Variants in IDH3A observed in about 807,000 individuals in gnomAD.
IDH3A encodes the protein isocitrate dehydrogenase (NAD(+)) 3 catalytic subunit alpha, also known as isocitrate dehydrogenase [NAD] subunit alpha, mitochondrial.
In IDH3A, 23 loss-of-function variants were observed where a neutral mutation model predicts 43.3. The observed-to-expected ratio is 0.53, with a 90% CI of 0.38 to 0.75. The LOEUF (loss-of-function observed/expected upper bound fraction) is 0.75, where lower values mean the gene tolerates loss of function less well. Among genes scored for constraint, IDH3A ranks in the 30% least tolerant of loss-of-function variants. IDH3A has a pLI of 0.00. For missense variants in IDH3A, 329 were observed against 474.4 expected, an observed-to-expected ratio of 0.69 and a Z score of 2.85; for synonymous variants, 154 against 163.5, an observed-to-expected ratio of 0.94 and a Z score of 0.44.
At chr15:78,156,891 ATTC>A (rs1231265093) in intron 2 of IDH3A, 1 of 1,350,724 alleles carries the variant, frequency 7.4e-7, no homozygotes, top group Non-Finnish European at 9.8e-7. Context: ...GACATATACT[ATTC>A]TTTTTGGTTG....
At chr15:78,160,252 G>A in intron 4 of IDH3A, 46 bp downstream of exon 4, 1 of 1,141,450 alleles carries the variant, frequency 8.8e-7, no homozygotes, top group Non-Finnish European at 1.3e-6. Flanking sequence ...TTCCGCTACA[G>A]GGGTTACTTA....
At chr15:78,165,793 A>G (rs751708574) in intron 9 of IDH3A, among the ~76,000 whole-genome samples, 41 of 152,102 alleles carry the variant, frequency 2.7e-4, no homozygotes, top group Non-Finnish European at 5.3e-4. Flanking sequence ...GGCTTAAGCA[A>G]TCCTCCTGCC....
intron 1 of IDH3A, 29 bp downstream of exon 1, chr15:78,149,459 G>T: frequency 6.6e-7 from 1 of 1,523,808 alleles, no homozygotes; most frequent in Non-Finnish European, 8.8e-7. Flanking sequence ...GCGTGTGGCA[G>T]GCAGGCAGGC....
chr15:78,166,972 A>G (rs1401274115), intron 10 of IDH3A, among the ~76,000 whole-genome samples: 3 of 152,172 alleles, frequency 2.0e-5, no homozygotes, highest in Non-Finnish European at 2.9e-5. Flanking sequence ...ACTCTTCACA[A>G]CAAACGTCTG....
At position 78,162,898 on chromosome 15, in the gene IDH3A, G is replaced by A. The variant is rs149806790; in HGVS notation, c.611+531G>A. 6.3e-3 allele frequency among the ~76,000 whole-genome samples: 959 copies of A among 152,316 alleles called. 1 individual carries two copies. Among genetic ancestry groups the A allele is most frequent in the Middle Eastern group, 0.014 (4 of 294 alleles). On this transcript the variant is annotated intron_variant, in intron 6 of 10. Coordinates refer to ENST00000299518, the MANE Select transcript of IDH3A (RefSeq NM_005530.3). ...TGGGCGAATGACAGGAGCAAATGAG[G>A]AGGGGATGGTGATTCAGGTCCTGGA...
chr15:78,161,099 C>G lies in IDH3A; in HGVS notation c.290-482C>G, dbSNP rs2074677509. Reference sequence around the variant, plus strand: ...GTTTCCCCATGTTGGCCAGGCTGGTCTTGGACTCCTGACCTCAAGCGATCC... The same window carrying G: ...GTTTCCCCATGTTGGCCAGGCTGGTGTTGGACTCCTGACCTCAAGCGATCC... On this transcript the variant is annotated intron_variant, in intron 4 of 10. Coordinates refer to ENST00000299518, the MANE Select transcript of IDH3A (RefSeq NM_005530.3). The surrounding 1 kb of genome is among the most constrained non-coding windows in gnomAD (Gnocchi z 4.8). Among the ~76,000 whole-genome samples, 1 of 152,118 alleles carries G rather than the reference C, an allele frequency of 6.6e-6. No individual in the cohort carries two copies.
rs1043015721 is a variant in IDH3A, at chr15:78,156,209, T to C, written c.90+934T>C. On this transcript the variant is annotated intron_variant, in intron 2 of 10. Coordinates refer to ENST00000299518, the MANE Select transcript of IDH3A (RefSeq NM_005530.3). ...AAACGCATTCTGAAAGCTAATAAGA[T>C]GATCATTGCTCTCTGCTATTATTTA... 3.4e-4 allele frequency among the ~76,000 whole-genome samples: 51 copies of C among 152,228 alleles called. 1 individual carries two copies. The highest frequency in any genetic ancestry group is 2.4e-3 in the Admixed American group (36 of 15,276).
chr15:78,168,014 A>AAAG (rs1489858881), intron 10 of IDH3A: 1 of 152,184 alleles, frequency 6.6e-6, no homozygotes, highest in African/African-American at 2.4e-5. Flanking sequence ...TTTATTGTGT[A>AAAG]GGATGGAAAG....
chr15:78,164,548 C>T (rs572960844), intron 8 of IDH3A, among the ~76,000 whole-genome samples: 3 of 152,094 alleles, frequency 2.0e-5, no homozygotes, highest in Non-Finnish European at 2.9e-5. Flanking sequence ...GACGGGGTTT[C>T]GCCATGTTGG....
At chr15:78,164,873 T>G in intron 8 of IDH3A, 119 bp from the exon 9 acceptor site, 2 of 744,926 alleles carry the variant, frequency 2.7e-6, no homozygotes, top group Middle Eastern at 2.8e-4. Flanking sequence ...GAATCAGCCA[T>G]TTATCCAAGG....
At chr15:78,168,764 G>A (rs1041219278) in intron 10 of IDH3A, 158 bp from the exon 11 acceptor site, 2 of 612,264 alleles carry the variant, frequency 3.3e-6, no homozygotes, top group African/African-American at 3.6e-5. Flanking sequence ...GGGCTGGGTA[G>A]ATGGTGGTGG....
chr15:78,162,180 C>A, intron 5 of IDH3A, 54 bp from the exon 6 acceptor site: 1 of 1,606,270 alleles, frequency 6.2e-7, no homozygotes, highest in Non-Finnish European at 8.5e-7. Flanking sequence ...CCTCTGTCTC[C>A]CACTGCGTTG....
intron 10 of IDH3A, chr15:78,166,516 A>G: frequency 1.8e-6 from 1 of 570,046 alleles, no homozygotes; most frequent in South Asian, 1.9e-5. Context: ...TCATCCAAAA[A>G]AAGTTAAGCA....
chr15:78,165,072 A>T lies in IDH3A; in HGVS notation c.860A>T (p.Glu287Val). 3 of 1,609,842 alleles carry T rather than the reference A, an allele frequency of 1.9e-6. No individual in the cohort carries two copies. The highest frequency in any genetic ancestry group is 2.6e-6 in the Non-Finnish European group (3 of 1,176,076). ...NIGANGVAIF[E>V]SVHGTAPDIA... The stretch of plus-strand genomic sequence containing the variant: ...GGAGCCAATGGGGTTGCAATTTTTG[A>T]GTCGGTAAGGACCCTGACACCTGAA... Residue 287 changes from glutamate to valine, a missense_variant, in exon 9 of 11, where the codon GAG (glutamate) becomes GTG (valine). By Grantham distance (121) the Glu-to-Val change is moderately radical. Transcript: ENST00000299518.
chr15:78,171,754 G>T lies in IDH3A; in HGVS notation c.*2749G>T. On this transcript the variant is annotated 3_prime_UTR_variant, in exon 11 of 11. Transcript: ENST00000299518. Reference sequence around the variant, plus strand: ...TGGTTGTGGCCAGTGGAGTATAGATGAAGGGTTGGTATGTCACCTCTGAGA... The same window carrying T: ...TGGTTGTGGCCAGTGGAGTATAGATTAAGGGTTGGTATGTCACCTCTGAGA... The T allele has an allele frequency of 4.5e-6, 2 of 444,852 alleles. No individual in the cohort carries two copies. Among genetic ancestry groups the T allele is most frequent in the Middle Eastern group, 6.3e-4 (1 of 1,600 alleles). 27.6% of individuals were successfully genotyped at this position (444,852 alleles called of 1,614,324 possible). A position where few individuals can be genotyped will look rare whatever the true frequency, so the allele number is the denominator to read the frequency against.
chr15:78,165,242 A>C (rs2141301594), intron 9 of IDH3A, among the ~76,000 whole-genome samples, 166 bp downstream of exon 9: 1 of 151,700 alleles, frequency 6.6e-6, no homozygotes, highest in East Asian at 1.9e-4. Flanking sequence ...CCCACGCTGG[A>C]GTACAGTGGT....
At chr15:78,163,898 A>G (rs2074709544) in intron 8 of IDH3A, 118 bp downstream of exon 8, 2 of 685,422 alleles carry the variant, frequency 2.9e-6, no homozygotes, top group Non-Finnish European at 5.1e-6. Flanking sequence ...GTTGTAACAT[A>G]TGAATTGAAT....
intron 1 of IDH3A, among the ~76,000 whole-genome samples, chr15:78,152,635 C>T (rs994453465): frequency 6.6e-6 from 1 of 152,202 alleles, no homozygotes; most frequent in Non-Finnish European, 1.5e-5. Context: ...GCTGGGATTA[C>T]AGGCGTGAGC....
chr15:78,171,590 G>T lies in IDH3A; in HGVS notation c.*2585G>T. 7.1e-7 allele frequency: 1 copy of T among 1,412,394 alleles called. No individual in the cohort carries two copies. Among genetic ancestry groups the T allele is most frequent in the Non-Finnish European group, 1.0e-6 (1 of 998,398 alleles). The allele number at this position is 1,412,394 out of a possible 1,614,324, so 87.5% of individuals were successfully genotyped here. A position where few individuals can be genotyped will look rare whatever the true frequency, so the allele number is the denominator to read the frequency against. On this transcript the variant is annotated 3_prime_UTR_variant, in exon 11 of 11. Transcript: ENST00000299518. ...GGCTCTGAGAACTCTGAGAATGTGT[G>T]TGGTAAAGACTCACACTCAGTCCTA...
Sources: gnomAD v4.1 joint callset for allele counts (sites outside exome capture counted in the v4.1 genomes callset) on GRCh38, gnomAD v4.1.1 for gene constraint, Gnocchi (gnomAD v3.1) non-coding constraint, MANE v1.5 for transcripts, NCBI Gene and HGNC (gene_info 2026-07-23, HGNC 2026-07-21) for gene names.